Variants in CDH18 observed in about 807,000 individuals in gnomAD.
The protein encoded by CDH18 is cadherin-18.
CDH18 carries 31 observed loss-of-function variants against 67.9 expected under a neutral mutation model. The observed-to-expected ratio is 0.46, with a 90% CI of 0.34 to 0.62. The LOEUF (loss-of-function observed/expected upper bound fraction) is 0.62. Among genes scored for constraint, CDH18 ranks in the 20% least tolerant of loss-of-function variants. The probability of loss-of-function intolerance (pLI) is 0.01; values close to 1 mark genes in which losing one functional copy is unlikely to be tolerated. For synonymous variants in CDH18, 362 were observed against 347.2 expected (o/e 1.04, Z -0.48); for missense variants, 890 against 975.5 (o/e 0.91, Z 1.17).
intron 2 of CDH18, among the ~76,000 whole-genome samples, chr5:20,108,241 G>A (rs188698246): frequency 5.3e-5 from 8 of 150,150 alleles, no homozygotes; most frequent in African/African-American, 2.0e-4. Flanking sequence ...CACCACGCCC[G>A]GCTAATTTTA....
At chr5:20,344,757 G>C (rs78124481) in intron 1 of CDH18, among the ~76,000 whole-genome samples, 2 of 152,018 alleles carry the variant, frequency 1.3e-5, no homozygotes, top group Admixed American at 6.6e-5. Context: ...TTCAAAGACA[G>C]GTTTGAGCCC....
intron 1 of CDH18, among the ~76,000 whole-genome samples, chr5:20,278,724 G>C (rs2126689139): frequency 6.6e-6 from 1 of 152,044 alleles, no homozygotes; most frequent in South Asian, 2.1e-4. Context: ...TAAAAAGTAG[G>C]GTGATAAAGT....
intron 1 of CDH18, among the ~76,000 whole-genome samples, chr5:20,402,652 T>G (rs1201399921): frequency 6.6e-6 from 1 of 152,180 alleles, no homozygotes; most frequent in East Asian, 1.9e-4. Flanking sequence ...AAAATATTGC[T>G]GAAAATTATG....
At chr5:19,589,355 T>C (rs909552299) in intron 7 of CDH18, among the ~76,000 whole-genome samples, 1 of 152,128 alleles carries the variant, frequency 6.6e-6, no homozygotes, top group Admixed American at 6.6e-5. Flanking sequence ...CAAGATTATA[T>C]TTCCTCCGTT....
At chr5:20,176,751 T>C (rs938373721) in intron 2 of CDH18, among the ~76,000 whole-genome samples, 1 of 152,168 alleles carries the variant, frequency 6.6e-6, no homozygotes, top group African/African-American at 2.4e-5. Context: ...TCTTGCTCCA[T>C]GTGGTTATTT....
At chr5:20,295,323 G>A (rs1445415190) in intron 1 of CDH18, among the ~76,000 whole-genome samples, 18 of 152,032 alleles carry the variant, frequency 1.2e-4, no homozygotes, top group South Asian at 2.1e-4. Flanking sequence ...GGAATCAACC[G>A]GACAAATTTT....
intron 3 of CDH18, among the ~76,000 whole-genome samples, chr5:19,798,083 T>C (rs1361379890): frequency 6.6e-6 from 1 of 152,032 alleles, no homozygotes; most frequent in East Asian, 1.9e-4. Flanking sequence ...CAGTGAAAGA[T>C]CCTAGTGGTT....
intron 2 of CDH18, among the ~76,000 whole-genome samples, chr5:20,075,502 AAAAC>A (rs1012838699): frequency 1.4e-5 from 2 of 147,988 alleles, no homozygotes; most frequent in East Asian, 2.0e-4. Context: ...ACTCTGCCTC[AAAAC>A]AAACAAACAA....
chr5:19,971,589 C>T (rs998892434), intron 2 of CDH18, among the ~76,000 whole-genome samples: 2 of 151,852 alleles, frequency 1.3e-5, no homozygotes, highest in Admixed American at 6.6e-5. Context: ...ATGAAACCTA[C>T]TATATGAAAG....
At chr5:19,736,562 T>C (rs187247917) in intron 4 of CDH18, among the ~76,000 whole-genome samples, 2 of 152,312 alleles carry the variant, frequency 1.3e-5, no homozygotes, top group African/African-American at 4.8e-5. Context: ...CTATCTTACA[T>C]TCCACGTTGC....
chr5:20,573,618 A>C (rs79269952), intron 1 of CDH18, among the ~76,000 whole-genome samples: 1 of 151,166 alleles, frequency 6.6e-6, no homozygotes, highest in East Asian at 1.9e-4. Flanking sequence ...TAATACAATT[A>C]TTAAAAGCAA....
At chr5:20,191,666 A>G (rs573765972) in intron 2 of CDH18, among the ~76,000 whole-genome samples, 8 of 152,000 alleles carry the variant, frequency 5.3e-5, no homozygotes, top group Non-Finnish European at 1.0e-4. Flanking sequence ...TGCTTCATCC[A>G]TGTTCCTGAA....
chr5:20,150,247 G>C (rs1436828527), intron 2 of CDH18, among the ~76,000 whole-genome samples: 3 of 151,980 alleles, frequency 2.0e-5, no homozygotes, highest in African/African-American at 7.2e-5. Flanking sequence ...TTATTTGATA[G>C]CTCCTCAATT....
At position 19,595,457 on chromosome 5, in the gene CDH18, C is replaced by G. The variant is rs139131222; in HGVS notation, c.812-4213G>C. Among the ~76,000 whole-genome samples the G allele has an allele frequency of 4.4e-3, 666 of 152,278 alleles. 3 individuals are homozygous for G. The highest frequency in any genetic ancestry group is 0.015 in the African/African-American group (639 of 41,546). On this transcript the variant is annotated intron_variant, in intron 6 of 12. Transcript: ENST00000382275. ...TGACCAACATGGTGAAATCCCATCC[C>G]TACCAAAAATACAAAAATTAGCTGG...
chr5:19,910,958 T>C (rs1791073080), intron 2 of CDH18, among the ~76,000 whole-genome samples: 1 of 152,076 alleles, frequency 6.6e-6, no homozygotes, highest in Non-Finnish European at 1.5e-5. Flanking sequence ...TCTGAGCTGA[T>C]GTGTTAAAGC....
At chr5:20,537,596 G>A (rs184732804) in intron 1 of CDH18, among the ~76,000 whole-genome samples, 193 of 152,136 alleles carry the variant, frequency 1.3e-3, no homozygotes, top group Non-Finnish European at 2.2e-3. Flanking sequence ...AACTTTAAGC[G>A]CTAAGCTCTT....
chr5:19,806,049 C>T (rs772111535), intron 3 of CDH18, among the ~76,000 whole-genome samples: 11 of 152,190 alleles, frequency 7.2e-5, no homozygotes, highest in Non-Finnish European at 1.3e-4. Flanking sequence ...CTGCTCCAAC[C>T]GTTACCCCTG....
chr5:20,162,647 T>C (rs937316110), intron 2 of CDH18, among the ~76,000 whole-genome samples: 3 of 151,290 alleles, frequency 2.0e-5, no homozygotes, highest in Non-Finnish European at 4.4e-5. Context: ...TCTCATGTCT[T>C]AGTGGTTATC....
intron 2 of CDH18, among the ~76,000 whole-genome samples, chr5:19,953,526 T>A (rs111293104): frequency 6.6e-6 from 1 of 151,938 alleles, no homozygotes; most frequent in African/African-American, 2.4e-5. Flanking sequence ...AAAGTTCCAA[T>A]TAAATAAAGT....
Sources: allele counts gnomAD v4.1 joint callset (sites outside exome capture counted in the v4.1 genomes callset), GRCh38; gene constraint gnomAD v4.1.1; transcripts MANE v1.5; gene names NCBI Gene and HGNC (gene_info 2026-07-23, HGNC 2026-07-21).